GRN: variants seen among roughly 807,000 people sequenced by gnomAD.
GRN encodes the protein progranulin.
A neutral mutation model predicts 66.7 loss-of-function variants in GRN; 30 were observed. That is an observed-to-expected ratio of 0.45 (90% CI 0.34 to 0.61). The LOEUF (loss-of-function observed/expected upper bound fraction) is 0.61, where lower values mean the gene tolerates loss of function less well. Ranked by LOEUF, GRN falls within the 20% of genes least tolerant of loss-of-function variation. The pLI is 0.01. For missense variants in GRN, 731 were observed against 803.5 expected, an observed-to-expected ratio of 0.91 and a Z score of 1.09; for synonymous variants, 327 against 311.1, an observed-to-expected ratio of 1.05 and a Z score of -0.54.
chr17:44,352,600 G>A, intron 12 of GRN, 29 bp downstream of exon 12: 1 of 1,611,932 alleles, frequency 6.2e-7, no homozygotes, highest in Non-Finnish European at 8.5e-7. Flanking sequence ...CCTGGGGCTG[G>A]GTATGGCCAG....
At chr17:44,347,231 G>C (rs4792938) in intron 1 of GRN, among the ~76,000 whole-genome samples, 70,206 of 152,084 alleles carry the variant, frequency 0.46, 18,001 homozygotes, top group East Asian at 0.91. Flanking sequence ...TGCACCCATC[G>C]TAAGCCTAAC....
intron 10 of GRN, 85 bp from the exon 11 acceptor site, chr17:44,351,930 G>T: frequency 6.8e-7 from 1 of 1,462,786 alleles, no homozygotes; most frequent in Non-Finnish European, 9.5e-7. Flanking sequence ...CTGTAAGCAG[G>T]AGAGGCGGGC....
Position 44,352,202 on chromosome 17 carries a change from G to A in GRN, c.1367G>A (p.Cys456Tyr). Residue 456 changes from cysteine (C) to tyrosine (Y), a missense_variant, in exon 11 of 13, where the codon TGC becomes TAC. Coordinates refer to ENST00000053867, the MANE Select transcript of GRN (RefSeq NM_002087.4). ...ACCAGCTGCCCGGTGGGGCAGACCT[G>A]CTGCCCGAGCCTGGGTGGGAGCTGG... ...QHTSCPVGQT[C>Y]CPSLGGSWAC... The A allele has an allele frequency of 6.2e-7, 1 of 1,613,228 alleles. No individual in the cohort carries two copies. Among genetic ancestry groups the A allele is most frequent in the Non-Finnish European group, 8.5e-7 (1 of 1,179,888 alleles).
chr17:44,351,835 GTGGC>G, intron 10 of GRN, 40 bp downstream of exon 10: 3 of 1,602,804 alleles, frequency 1.9e-6, no homozygotes, highest in Non-Finnish European at 2.6e-6. Context: ...GGGCAGGTGG[GTGGC>G]CAAGCTCCTA....
In GRN at chr17:44,351,170, G is replaced by A. The variant is rs72824736; in HGVS notation, c.835+7G>A. On this transcript the variant is annotated splice_region_variant and intron_variant, in intron 8 of 12. Coordinates refer to ENST00000053867, the MANE Select transcript of GRN (RefSeq NM_002087.4). Reference sequence around the variant, plus strand: ...AAGCTGCCTGCGCACACAGGTACCAGAGGCAGGGTGCAGATACAGGGGTGG... The same window carrying A: ...AAGCTGCCTGCGCACACAGGTACCAAAGGCAGGGTGCAGATACAGGGGTGG... 104,648 of 1,614,032 alleles carry A rather than the reference G, an allele frequency of 0.065. 4,152 individuals carry two copies. The highest frequency in any genetic ancestry group is 0.08 in the Non-Finnish European group (93,910 of 1,179,900).
intron 3 of GRN, 38 bp from the exon 4 acceptor site, chr17:44,349,629 A>G (rs775685740): frequency 6.2e-7 from 1 of 1,611,718 alleles, no homozygotes; most frequent in Non-Finnish European, 8.5e-7. Context: ...CTGCAGATAA[A>G]AGGGCCCTGC....
Position 44,349,728 on chromosome 17 carries a change from G to A in GRN, c.326G>A (p.Gly109Glu). The part of the protein sequence containing the change: ...CPRGFHCSAD[G>E]RSCFQRSGNN... ...CGGGGCTTCCACTGCAGTGCAGACGGGCGATCCTGCTTCCAAAGATCAGGT... is the reference window on the plus strand; with the variant it reads ...CGGGGCTTCCACTGCAGTGCAGACGAGCGATCCTGCTTCCAAAGATCAGGT... Residue 109 changes from glycine to glutamate, a missense_variant, in exon 4 of 13, where the codon GGG becomes GAG. By Grantham distance (98) the Gly-to-Glu change is moderately conservative. This residue lies in a region of GRN where 370 missense variants were observed against 379.8 expected (regional missense o/e 0.97). Coordinates refer to ENST00000053867, the MANE Select transcript of GRN (RefSeq NM_002087.4). 1.2e-6 allele frequency: 2 copies of A among 1,610,626 alleles called. No homozygotes were observed. The highest frequency in any genetic ancestry group is 1.7e-6 in the Non-Finnish European group (2 of 1,177,024).
Position 44,352,186 on chromosome 17 carries a change from C to G in GRN, c.1351C>G (p.Pro451Ala). 6 of 1,613,480 alleles carry G rather than the reference C, an allele frequency of 3.7e-6. No homozygotes were observed. The highest frequency in any genetic ancestry group is 5.1e-6 in the Non-Finnish European group (6 of 1,179,926). ...CGGCTGTGACCAGCACACCAGCTGC[C>G]CGGTGGGGCAGACCTGCTGCCCGAG... is the stretch of plus-strand genomic sequence containing the variant. The part of the protein sequence containing the change: ...DIGCDQHTSC[P>A]VGQTCCPSLG... The change falls in exon 11 of 13, where the codon CCG becomes GCG. Residue 451 changes from proline (P) to alanine (A), a missense_variant. Physicochemically the swap from Pro to Ala is conservative, Grantham distance 27. Around this residue, in one of 3 missense-constraint regions of GRN, gnomAD observed 319 missense variants for 347.2 expected, o/e 0.92. Coordinates refer to ENST00000053867, the MANE Select transcript of GRN (RefSeq NM_002087.4).
In GRN at chr17:44,347,126, AG is replaced by A. The variant is rs575312914; in HGVS notation, c.-8+1793del. 2.5e-3 allele frequency among the ~76,000 whole-genome samples: 374 copies of A among 150,914 alleles called. 1 individual carries two copies. The highest frequency in any genetic ancestry group is 8.3e-3 in the African/African-American group (341 of 41,038). ...AGCAGGACTCCATCTCAAAAAAAAA[AG>A]AGAAAAAGAAAAAGAAATGCCATGT... On this transcript the variant is annotated intron_variant, in intron 1 of 12. Coordinates refer to ENST00000053867, the MANE Select transcript of GRN (RefSeq NM_002087.4).
Position 44,349,555 on chromosome 17 carries a change from A to G in GRN, c.264+4A>G. 1 of 1,614,108 alleles carries G rather than the reference A, an allele frequency of 6.2e-7. No homozygotes were observed. The highest frequency in any genetic ancestry group is 8.5e-7 in the Non-Finnish European group (1 of 1,180,020). On this transcript the variant is annotated splice_donor_region_variant and intron_variant, in intron 3 of 12. Coordinates refer to ENST00000053867, the MANE Select transcript of GRN (RefSeq NM_002087.4). ...CAGTTGCTGCCCCTTCCCAGAGGTG[A>G]GCGTGCCATCAGCCCAGTGGAGGGG...
At chr17:44,345,481 G>C (rs1016757476) in intron 1 of GRN, 147 bp downstream of exon 1, 2 of 152,318 alleles carry the variant, frequency 1.3e-5, no homozygotes, top group Non-Finnish European at 2.9e-5. Context: ...ATACACTAGG[G>C]GGAGTTTTAT....
At chr17:44,347,689 A>C (rs539935219) in intron 1 of GRN, among the ~76,000 whole-genome samples, 3 of 150,970 alleles carry the variant, frequency 2.0e-5, no homozygotes, top group Admixed American at 6.6e-5. Context: ...TGGTGGTTCA[A>C]GCCTGTAATC....
rs776291260 is a variant in GRN, at chr17:44,352,546, G to A, written c.1619G>A (p.Gly540Asp). ...ACCTGCTGCCGAGACAACCGACAGG[G>A]CTGGGCCTGCTGTCCCTACCGCCAG... is the stretch of plus-strand genomic sequence containing the variant. ...NQTCCRDNRQ[G>D]WACCPYRQGV... is the part of the protein sequence containing the mutation. Residue 540 changes from glycine (G) to aspartate (D), a missense_variant, in exon 12 of 13, where the codon GGC becomes GAC. Gly to Asp is a moderately conservative substitution (Grantham distance 94). Coordinates refer to ENST00000053867, the MANE Select transcript of GRN (RefSeq NM_002087.4). 2.5e-6 allele frequency: 4 copies of A among 1,613,512 alleles called. No homozygotes were observed. The South Asian group carries it at 4.4e-5, about 18-fold the overall frequency.
In GRN at chr17:44,346,543, C is replaced by G. The variant is rs550314189; in HGVS notation, c.-8+1209C>G. ...GCGATTTTCAGGCAGTCCCTGTACC[C>G]TGTTTCTGTTGTACCTGTTGCACCA... On this transcript the variant is annotated intron_variant, in intron 1 of 12. Transcript: ENST00000053867. Among the ~76,000 whole-genome samples the G allele has an allele frequency of 5.9e-5, 9 of 152,256 alleles. No homozygotes were observed. In the South Asian group the frequency reaches 1.9e-3, roughly 32 times the overall value.
At chr17:44,346,923 C>T (rs566088718) in intron 1 of GRN, among the ~76,000 whole-genome samples, 3 of 152,106 alleles carry the variant, frequency 2.0e-5, no homozygotes, top group Non-Finnish European at 4.4e-5. Context: ...TGAGACCAGC[C>T]TGACCAACAT....
chr17:44,352,628 G>C, intron 12 of GRN, 33 bp from the exon 13 acceptor site: 2 of 1,610,580 alleles, frequency 1.2e-6, no homozygotes, highest in Non-Finnish European at 1.7e-6. Flanking sequence ...GTCCCACCTC[G>C]TCCAACCCTC....
chr17:44,352,867 T>C lies in GRN; in HGVS notation c.*69T>C, dbSNP rs1250280017. On this transcript the variant is annotated 3_prime_UTR_variant, in exon 13 of 13. Transcript: ENST00000053867. ...AGGGTGCCCTCTGCTCAGGCCTCCC[T>C]AGCACCTCCCCCTAACCAAATTCTC... is the stretch of plus-strand genomic sequence containing the variant. 3.4e-6 allele frequency: 5 copies of C among 1,480,580 alleles called. No homozygotes were observed. In the East Asian group the frequency reaches 9.2e-5, roughly 27 times the overall value. The allele number at this position is 1,480,580 out of a possible 1,614,324, so 91.7% of individuals were successfully genotyped here.
chr17:44,348,529 G>A (rs1247425941), intron 1 of GRN, among the ~76,000 whole-genome samples: 1 of 152,212 alleles, frequency 6.6e-6, no homozygotes, highest in Non-Finnish European at 1.5e-5. Context: ...GTGAGGAGGG[G>A]ACATTCATGG....
At chr17:44,351,196 G>A in intron 8 of GRN, 33 bp downstream of exon 8, 1 of 1,613,786 alleles carries the variant, frequency 6.2e-7, no homozygotes, top group South Asian at 1.1e-5. Context: ...ACAGGGGTGG[G>A]GCCCCCTTTC....
Sources: allele counts gnomAD v4.1 joint callset (sites outside exome capture counted in the v4.1 genomes callset), GRCh38; gene constraint gnomAD v4.1.1; regional missense constraint gnomAD v4.1.1; transcripts MANE v1.5; gene names NCBI Gene and HGNC (gene_info 2026-07-23, HGNC 2026-07-21).